The following OC90 variants were observed in gnomAD, a reference collection of about 807,000 sequenced individuals.
OC90 encodes the protein otoconin-90.
OC90 carries 46 observed loss-of-function variants against 47.3 expected under a neutral mutation model. The observed-to-expected ratio is 0.97, with a 90% CI of 0.77 to 1.24. The LOEUF is 1.24. Among genes scored for constraint, OC90 ranks in the 50% most tolerant of loss-of-function variants. OC90 has a pLI of 0.00. For missense variants in OC90, 688 were observed against 583.9 expected (o/e 1.18, Z -1.84); for synonymous variants, 271 against 219.5 (o/e 1.23, Z -2.07).
chr8:132,057,588 A>G (rs898329841), intron 1 of OC90, among the ~76,000 whole-genome samples: 2 of 152,238 alleles, frequency 1.3e-5, no homozygotes, highest in Admixed American at 6.5e-5. Flanking sequence ...TTGCATATCA[A>G]TGTGAATGCA....
chr8:132,048,782 A>G (rs1179211255), intron 2 of OC90, among the ~76,000 whole-genome samples: 1 of 151,630 alleles, frequency 6.6e-6, no homozygotes, highest in Non-Finnish European at 1.5e-5. Flanking sequence ...ACGGCCACAG[A>G]GCACAGCAGG....
chr8:132,036,588 G>C (rs1822968257), intron 9 of OC90, among the ~76,000 whole-genome samples: 1 of 152,240 alleles, frequency 6.6e-6, no homozygotes, highest in Non-Finnish European at 1.5e-5. Context: ...AGTAGGAAAG[G>C]GGCCAGACTA....
Position 132,041,568 on chromosome 8 carries a change from A to G in OC90, c.301T>C (p.Cys101Arg). Reference protein sequence around the residue: ...PRDFEDYGCTCRFEMEGLPVD... With the variant: ...PRDFEDYGCTRRFEMEGLPVD... Reference sequence around the variant, plus strand: ...GGCAACCCTTCCATCTCAAACCTGCAGGTGCAACCATAGTCTTCAAAGTCT... The same window carrying G: ...GGCAACCCTTCCATCTCAAACCTGCGGGTGCAACCATAGTCTTCAAAGTCT... Residue 101 changes from cysteine to arginine, a missense_variant, in exon 5 of 14, where the codon TGC becomes CGC. By Grantham distance (180) the Cys-to-Arg change is radical (BLOSUM62 -3). Transcript: ENST00000254627. The G allele has an allele frequency of 1.2e-6, 2 of 1,613,154 alleles. No individual in the cohort carries two copies. The highest frequency in any genetic ancestry group is 8.5e-7 in the Non-Finnish European group (1 of 1,179,608).
At chr8:132,028,670 G>A in intron 13 of OC90, among the ~76,000 whole-genome samples, 1 of 100,946 alleles carries the variant, frequency 9.9e-6, no homozygotes, top group African/African-American at 4.0e-5. Context: ...AAGAAAGAGA[G>A]ACAGAAAGAA....
intron 4 of OC90, among the ~76,000 whole-genome samples, chr8:132,042,506 G>A (rs879624382): frequency 6.6e-6 from 1 of 151,992 alleles, no homozygotes; most frequent in Non-Finnish European, 1.5e-5. Flanking sequence ...ACCCAACCGG[G>A]GTTTTTTCAG....
At position 132,038,803 on chromosome 8, in the gene OC90, T is replaced by C; in HGVS notation, c.615A>G (p.Thr205=). ...GGGAGGCCTTACCTCTGGGCAGAAG[T>C]GTTGTCAAGTCTTCCTTGATGGTTG... is the stretch of plus-strand genomic sequence containing the variant. ...PETTIKEDLT[T]LLPRVVPVEP... is the part of the protein sequence containing the mutation. Residue 205 remains threonine (T), a synonymous_variant, in exon 8 of 14, where the codon ACA becomes ACG. Coordinates refer to ENST00000254627, the MANE Select transcript of OC90 (RefSeq NM_001080399.3). 3 of 1,613,768 alleles carry C rather than the reference T, an allele frequency of 1.9e-6. No homozygotes were observed. Among genetic ancestry groups the C allele is most frequent in the Non-Finnish European group, 2.5e-6 (3 of 1,179,776 alleles).
chr8:132,045,753 T>C (rs1823122318), intron 3 of OC90, 65 bp downstream of exon 3: 1 of 922,120 alleles, frequency 1.1e-6, no homozygotes, highest in African/African-American at 1.6e-5. Context: ...AAGGGATCAT[T>C]TTCTCTGCCA....
intron 2 of OC90, among the ~76,000 whole-genome samples, chr8:132,049,575 C>T (rs1156721877): frequency 6.6e-6 from 1 of 152,192 alleles, no homozygotes; most frequent in Non-Finnish European, 1.5e-5. Context: ...CTTTCATTCT[C>T]TGAAGATGTA....
At chr8:132,039,753 C>A (rs6415548) in intron 6 of OC90, among the ~76,000 whole-genome samples, 95,506 of 151,912 alleles carry the variant, frequency 0.63, 30,445 homozygotes, top group East Asian at 0.75. Flanking sequence ...GGGCCAGTCC[C>A]TGAGCTGTTC....
chr8:132,047,084 C>T (rs879617960), intron 2 of OC90, among the ~76,000 whole-genome samples: 6 of 152,238 alleles, frequency 3.9e-5, no homozygotes, highest in Non-Finnish European at 7.3e-5. Context: ...TCTGATAAAA[C>T]TCATTCCCTT....
chr8:132,051,920 T>G (rs1823215972), intron 2 of OC90, among the ~76,000 whole-genome samples: 1 of 152,184 alleles, frequency 6.6e-6, no homozygotes, highest in Non-Finnish European at 1.5e-5. Context: ...AATGTTAATT[T>G]TTTGATAAAA....
At chr8:132,050,962 C>A (rs550814880) in intron 2 of OC90, among the ~76,000 whole-genome samples, 2 of 152,196 alleles carry the variant, frequency 1.3e-5, no homozygotes, top group South Asian at 4.2e-4. Context: ...CCATTGCACT[C>A]CAACCTGGGC....
intron 6 of OC90, among the ~76,000 whole-genome samples, 157 bp downstream of exon 6, chr8:132,040,887 T>C (rs1823041606): frequency 6.6e-6 from 1 of 152,244 alleles, no homozygotes; most frequent in Admixed American, 6.5e-5. Flanking sequence ...ACAGATGCCA[T>C]TGATCCAGCC....
chr8:132,031,145 C>T (rs1372179862), intron 12 of OC90, among the ~76,000 whole-genome samples: 1 of 152,128 alleles, frequency 6.6e-6, no homozygotes, highest in African/African-American at 2.4e-5. Context: ...CTCTGTTTAC[C>T]CTACTGTATT....
chr8:132,050,535 C>T (rs1162569757), intron 2 of OC90, among the ~76,000 whole-genome samples: 1 of 152,174 alleles, frequency 6.6e-6, no homozygotes, highest in African/African-American at 2.4e-5. Flanking sequence ...TGGAAATAGA[C>T]ACTGAACATA....
At position 132,038,819 on chromosome 8, in the gene OC90, T is replaced by C. The variant is rs368860005; in HGVS notation, c.599A>G (p.Lys200Arg). The stretch of plus-strand genomic sequence containing the variant: ...GGGCAGAAGTGTTGTCAAGTCTTCC[T>C]TGATGGTTGTCTCTGAAAAGAAAAC... ...CLAQTPETTI[K>R]EDLTTLLPRV... Residue 200 changes from lysine (K) to arginine (R), a missense_variant, in exon 8 of 14, where the codon AAG becomes AGG. Transcript: ENST00000254627. The C allele has an allele frequency of 1.7e-5, 27 of 1,613,888 alleles. No individual in the cohort carries two copies. The highest frequency in any genetic ancestry group is 1.7e-4 in the Middle Eastern group (1 of 6,052).
In OC90 at chr8:132,024,771, C is replaced by T. The variant is rs1470161551; in HGVS notation, c.1144G>A (p.Gly382Ser). The T allele has an allele frequency of 1.9e-6, 3 of 1,611,566 alleles. No homozygotes were observed. Among genetic ancestry groups the T allele is most frequent in the South Asian group, 1.1e-5 (1 of 90,614 alleles). ...VCVDHTPKCG[G>S]QSLCEKLLCA... ...AGCAACTTCTCACACAGGCTTTGGC[C>T]CCCACCTTAGAAGGAAAGAGCAGAG... Residue 382 changes from glycine to serine, a missense_variant, in exon 14 of 14, where the codon GGC becomes AGC. By Grantham distance (56) the Gly-to-Ser change is moderately conservative. Coordinates refer to ENST00000254627, the MANE Select transcript of OC90 (RefSeq NM_001080399.3).
At chr8:132,038,628 C>A (rs562184069) in intron 8 of OC90, among the ~76,000 whole-genome samples, 162 bp downstream of exon 8, 2 of 152,152 alleles carry the variant, frequency 1.3e-5, no homozygotes, top group African/African-American at 4.8e-5. Context: ...TTGGGTTTAT[C>A]AGAAGTAACA....
chr8:132,051,343 A>G (rs1823210126), intron 2 of OC90, among the ~76,000 whole-genome samples: 1 of 152,152 alleles, frequency 6.6e-6, no homozygotes, highest in South Asian at 2.1e-4. Flanking sequence ...TCTAACTCCT[A>G]TCCAATTCCT....
Sources: allele counts gnomAD v4.1 joint callset (sites outside exome capture counted in the v4.1 genomes callset), GRCh38; gene constraint gnomAD v4.1.1; transcripts MANE v1.5; gene names NCBI Gene and HGNC (gene_info 2026-07-23, HGNC 2026-07-21).